CRLF2: variants seen among roughly 807,000 people sequenced by gnomAD.
The protein encoded by CRLF2 is cytokine receptor like factor 2.
A neutral mutation model predicts 38.7 loss-of-function variants in CRLF2; 41 were observed. That is an observed-to-expected ratio of 1.06 (90% confidence interval 0.83 to 1.37). The LOEUF (loss-of-function observed/expected upper bound fraction) is 1.37, where lower values mean the gene tolerates loss of function less well. Ranked by LOEUF, CRLF2 falls within the 40% of genes most tolerant of loss-of-function variation. The pLI is 0.00. For missense variants in CRLF2, 377 were observed against 322.2 expected (o/e 1.17, Z -1.30); for synonymous variants, 140 against 128.8 (o/e 1.09, Z -0.59).
chrX:1,199,108 C>A (rs1369632314), intron 4 of CRLF2: 11 of 333,706 alleles, frequency 3.3e-5, no homozygotes, highest in African/African-American at 2.4e-4. Context: ...GAGATCGCAC[C>A]ACTGCACTCC....
rs9785568 is a variant in CRLF2, at chrX:1,198,902, G to A, written c.484-178C>T. On this transcript the variant is annotated intron_variant, in intron 4 of 7. Coordinates refer to ENST00000400841, the MANE Select transcript of CRLF2 (RefSeq NM_022148.4). ...AGTGGCTCACTCCTGTAAACCCAAC[G>A]CTTTGGGAGGCTGAGGCGGGTGGAT... The A allele has an allele frequency of 4.4e-3, 2,861 of 653,068 alleles. 68 individuals are homozygous for A. The African/African-American group carries it at 0.047, about 11-fold the overall frequency. The allele number at this position is 653,068 out of a possible 1,614,324, so 40.5% of individuals were successfully genotyped here.
At chrX:1,191,978 G>C (rs1179628633) in intron 7 of CRLF2, among the ~76,000 whole-genome samples, 109 of 148,718 alleles carry the variant, frequency 7.3e-4, no homozygotes, top group Non-Finnish European at 1.5e-3. Flanking sequence ...GGCCAAGGTG[G>C]GTGGATCATG....
chrX:1,206,101 G>A (rs2086686628), intron 3 of CRLF2, among the ~76,000 whole-genome samples: 1 of 151,940 alleles, frequency 6.6e-6, no homozygotes, highest in Non-Finnish European at 1.5e-5. Flanking sequence ...TGCTGAGCTT[G>A]CTTTTCAATT....
intron 2 of CRLF2, among the ~76,000 whole-genome samples, chrX:1,207,507 C>T (rs868702434): frequency 4.6e-4 from 55 of 120,148 alleles, no homozygotes; most frequent in South Asian, 2.2e-3. Flanking sequence ...ATCCACCCCC[C>T]CCCCCCTCAG....
intron 7 of CRLF2, among the ~76,000 whole-genome samples, chrX:1,192,765 T>TTTCTTTCC (rs1378137188): frequency 1.2e-4 from 14 of 115,946 alleles, no homozygotes; most frequent in South Asian, 5.9e-4. Flanking sequence ...TCTTTCTTTC[T>TTTCTTTCC]TTCCTTCCTT....
intron 4 of CRLF2, among the ~76,000 whole-genome samples, chrX:1,200,554 A>T (rs779019338): frequency 4.9e-5 from 7 of 141,896 alleles, no homozygotes; most frequent in African/African-American, 1.8e-4. Context: ...GTGTGGGTAT[A>T]TATATGTGTA....
chrX:1,201,433 A>G (rs2086603560), intron 4 of CRLF2, among the ~76,000 whole-genome samples: 1 of 114,504 alleles, frequency 8.7e-6, no homozygotes. Flanking sequence ...AGATACATAG[A>G]TAAAACAGAG....
intron 1 of CRLF2, among the ~76,000 whole-genome samples, chrX:1,209,225 C>T (rs2086746312): frequency 6.6e-6 from 1 of 151,686 alleles, no homozygotes; most frequent in South Asian, 2.1e-4. Context: ...CCTCGGCCTC[C>T]CAAAGTACTG....
intron 4 of CRLF2, 103 bp downstream of exon 4, chrX:1,202,299 T>G: frequency 7.4e-7 from 1 of 1,357,538 alleles, no homozygotes; most frequent in South Asian, 1.3e-5. Context: ...TTCAGGAAGG[T>G]GTAGACAGAG....
chrX:1,199,928 A>ACG (rs1231107303), intron 4 of CRLF2, among the ~76,000 whole-genome samples: 16 of 150,578 alleles, frequency 1.1e-4, no homozygotes, highest in Admixed American at 2.0e-4. Flanking sequence ...TAAGCTGTGT[A>ACG]TGTAAGGTGT....
chrX:1,195,765 T>C (rs1454324265), intron 6 of CRLF2, among the ~76,000 whole-genome samples: 3 of 99,486 alleles, frequency 3.0e-5, no homozygotes, highest in African/African-American at 8.6e-5. Flanking sequence ...ATTTTTATAT[T>C]ATATATATAT....
chrX:1,210,207 T>C (rs1433610592), intron 1 of CRLF2, among the ~76,000 whole-genome samples: 1 of 151,772 alleles, frequency 6.6e-6, no homozygotes, highest in Non-Finnish European at 1.5e-5. Flanking sequence ...TAGACTTCAG[T>C]AGGTTTGATG....
chrX:1,209,447 T>A (rs1248557843), intron 1 of CRLF2, among the ~76,000 whole-genome samples: 1 of 151,830 alleles, frequency 6.6e-6, no homozygotes, highest in Non-Finnish European at 1.5e-5. Context: ...TTCTCCTGCC[T>A]CAGCCTCCCG....
At chrX:1,206,796 C>T (rs1482450186) in intron 2 of CRLF2, among the ~76,000 whole-genome samples, 197 bp from the exon 3 acceptor site, 3 of 151,626 alleles carry the variant, frequency 2.0e-5, no homozygotes, top group Admixed American at 6.6e-5. Context: ...GCACCTGCCA[C>T]CATATACAGC....
Position 1,206,423 on chromosome X carries a change from C to T in CRLF2, c.349+10G>A, listed in dbSNP as rs771264407. On this transcript the variant is annotated intron_variant, in intron 3 of 7. Coordinates refer to ENST00000400841, the MANE Select transcript of CRLF2 (RefSeq NM_022148.4). The stretch of plus-strand genomic sequence containing the variant: ...TGAAAAGCATGGTGAGCTGGCTTTA[C>T]AATACTTACGGTAATAAACCATCCA... The T allele has an allele frequency of 7.4e-6, 12 of 1,612,482 alleles. No homozygotes were observed. In the East Asian group the frequency reaches 8.9e-5, roughly 12 times the overall value.
rs764756019 is a variant in CRLF2 at position 1,196,877 on chromosome X, G to C, written c.670C>G (p.Pro224Ala). The part of the protein sequence containing the change: ...IRDACAETPT[P>A]PKPKLSKFIL... Reference sequence around the variant, plus strand: ...AATTTGGACAGCTTTGGTTTGGGAGGCGTTGGTGTCTCTGCACAGGCATCT... The same window carrying C: ...AATTTGGACAGCTTTGGTTTGGGAGCCGTTGGTGTCTCTGCACAGGCATCT... Residue 224 changes from proline to alanine, a missense_variant, in exon 6 of 8, where the codon CCT becomes GCT. Physicochemically the swap from Pro to Ala is conservative, Grantham distance 27. Coordinates refer to ENST00000400841, the MANE Select transcript of CRLF2 (RefSeq NM_022148.4). 2 of 1,613,450 alleles carry C rather than the reference G, an allele frequency of 1.2e-6. No homozygotes were observed. The highest frequency in any genetic ancestry group is 1.1e-5 in the South Asian group (1 of 91,074).
intron 3 of CRLF2, among the ~76,000 whole-genome samples, chrX:1,205,846 G>A (rs1441309429): frequency 1.3e-5 from 2 of 151,012 alleles, no homozygotes; most frequent in African/African-American, 4.9e-5. Flanking sequence ...TGCTTTATCA[G>A]TACTTATGGT....
chrX:1,191,913 T>C (rs2086387265), intron 7 of CRLF2, among the ~76,000 whole-genome samples: 1 of 151,932 alleles, frequency 6.6e-6, no homozygotes, highest in Admixed American at 6.6e-5. Flanking sequence ...AGTTAAAACC[T>C]AGTTTGAGCC....
At chrX:1,198,800 C>A in intron 4 of CRLF2, 76 bp from the exon 5 acceptor site, 1 of 1,343,758 alleles carries the variant, frequency 7.4e-7, no homozygotes, top group Non-Finnish European at 1.0e-6. Flanking sequence ...AGTGATGTAA[C>A]CTGTCTGTCC....
Sources: gnomAD v4.1 joint callset for allele counts (sites outside exome capture counted in the v4.1 genomes callset) on GRCh38, gnomAD v4.1.1 for gene constraint, MANE v1.5 for transcripts, NCBI Gene and HGNC (gene_info 2026-07-23, HGNC 2026-07-21) for gene names.